Variants in FAM3B observed in about 807,000 individuals in gnomAD.
The protein encoded by FAM3B is protein FAM3B.
In FAM3B, 29 loss-of-function variants were observed where a neutral mutation model predicts 28.4. The observed-to-expected ratio is 1.02, with a 90% CI of 0.76 to 1.39. FAM3B has a LOEUF of 1.39. Ranked by LOEUF, FAM3B falls within the 40% of genes most tolerant of loss-of-function variation. FAM3B has a pLI of 0.00. For synonymous variants in FAM3B, 91 were observed against 103.0 expected (o/e 0.88, Z 0.71); for missense variants, 266 against 293.9 (o/e 0.91, Z 0.69).
chr21:41,307,634 G>GT (rs1220491692), intron 1 of FAM3B, among the ~76,000 whole-genome samples: 2 of 152,172 alleles, frequency 1.3e-5, no homozygotes, highest in African/African-American at 4.8e-5. Flanking sequence ...CCATTGTAAT[G>GT]TTATTAATTG....
At chr21:41,333,043 T>A (rs2088920565) in intron 2 of FAM3B, among the ~76,000 whole-genome samples, 1 of 152,004 alleles carries the variant, frequency 6.6e-6, no homozygotes, top group Non-Finnish European at 1.5e-5. Context: ...ATGTGAGACC[T>A]TTTTTTAATG....
At position 41,311,277 on chromosome 21, in the gene FAM3B, T is replaced by A. The variant is rs868551591; in HGVS notation, n.99+6967T>A. On this transcript the variant is annotated intron_variant and non_coding_transcript_variant, in intron 1 of 9. Coordinates refer to the FAM3B transcript ENST00000479810. The stretch of plus-strand genomic sequence containing the variant: ...ATATATATATATATATATATATATA[T>A]ATATATATATATATATATATGTATA... Among the ~76,000 whole-genome samples, 504 of 81,970 alleles carry A rather than the reference T, an allele frequency of 6.1e-3. 15 individuals are homozygous for A. Among genetic ancestry groups the A allele is most frequent in the Non-Finnish European group, 7.5e-3 (331 of 43,970 alleles). The allele number at this position is 81,970 out of a possible 152,430, so 53.8% of individuals were successfully genotyped here.
At chr21:41,345,347 G>A (rs1240474394) in intron 4 of FAM3B, among the ~76,000 whole-genome samples, 2 of 150,376 alleles carry the variant, frequency 1.3e-5, no homozygotes, top group Non-Finnish European at 3.0e-5. Context: ...GGCTGAGGGG[G>A]CTCTGGTGTT....
rs553809200 is a variant in FAM3B at position 41,324,963 on chromosome 21, A to G, written c.163+1897A>G. 2.6e-4 allele frequency among the ~76,000 whole-genome samples: 40 copies of G among 152,178 alleles called. 1 individual carries two copies. In the South Asian group the frequency reaches 8.1e-3, roughly 31 times the overall value. ...CTAAAAATACAAAAATTAGCTGGAC[A>G]TGGTTGCAGGTGCCTGTAATCCCAG... On this transcript the variant is annotated intron_variant, in intron 2 of 7. Transcript: ENST00000357985.
At chr21:41,304,352 C>T (rs755666386) in intron 1 of FAM3B, 35 of 454,492 alleles carry the variant, frequency 7.7e-5, no homozygotes, top group Admixed American at 1.6e-4. Context: ...GAAGGATGGA[C>T]GGGGCAGGAC....
chr21:41,346,928 T>G (rs1161838338), intron 5 of FAM3B, 85 bp from the exon 6 acceptor site: 1 of 1,150,682 alleles, frequency 8.7e-7, no homozygotes, highest in Non-Finnish European at 1.3e-6. Flanking sequence ...GGACACAGAA[T>G]GCAGGTGCAG....
chr21:41,334,743 G>C (rs985336543), intron 2 of FAM3B, among the ~76,000 whole-genome samples: 2 of 152,250 alleles, frequency 1.3e-5, no homozygotes, highest in African/African-American at 4.8e-5. Flanking sequence ...TAGTGGAGCT[G>C]TGGGAAGAGG....
intron 7 of FAM3B, among the ~76,000 whole-genome samples, chr21:41,354,769 C>T (rs1466090201): frequency 1.3e-5 from 2 of 152,052 alleles, no homozygotes; most frequent in African/African-American, 4.8e-5. Flanking sequence ...ATAATCTGTA[C>T]AACAAACCCC....
At chr21:41,352,884 G>T (rs2089134464) in intron 7 of FAM3B, among the ~76,000 whole-genome samples, 1 of 152,036 alleles carries the variant, frequency 6.6e-6, no homozygotes, top group Admixed American at 6.6e-5. Flanking sequence ...ATACTAGGCT[G>T]GTGCAAAAGT....
At chr21:41,330,177 T>A (rs1355863137) in intron 2 of FAM3B, among the ~76,000 whole-genome samples, 1 of 146,562 alleles carries the variant, frequency 6.8e-6, no homozygotes, top group African/African-American at 2.5e-5. Context: ...GCATCCCAAA[T>A]CTGAAAACAC....
chr21:41,324,994 C>T lies in FAM3B; in HGVS notation c.163+1928C>T, dbSNP rs183587291. 2.4e-3 allele frequency among the ~76,000 whole-genome samples: 365 copies of T among 152,172 alleles called. 2 individuals carry two copies. The highest frequency in any genetic ancestry group is 3.9e-3 in the Non-Finnish European group (264 of 68,004). ...GCAGGTGCCTGTAATCCCAGCTACT[C>T]GGGAGGCTGAGGCAGGAGAATAGCT... On this transcript the variant is annotated intron_variant, in intron 2 of 7. Transcript: ENST00000357985.
intron 1 of FAM3B, among the ~76,000 whole-genome samples, chr21:41,317,273 T>G (rs2088758520): frequency 7.9e-6 from 1 of 127,098 alleles, no homozygotes; most frequent in Non-Finnish European, 1.7e-5. Flanking sequence ...ACCCGGGCTC[T>G]CCACGCTTCT....
At chr21:41,311,251 A>AAAAATAT (rs1555866518) in intron 1 of FAM3B, among the ~76,000 whole-genome samples, 2 of 35,070 alleles carry the variant, frequency 5.7e-5, no homozygotes, top group African/African-American at 1.2e-4. Context: ...AAAAAAAAAA[A>AAAAATAT]ATATATATAT....
In FAM3B at chr21:41,351,923, C is replaced by T. The variant is rs114833512; in HGVS notation, c.618+3199C>T. ...TGGTTCAGATCTGGACTTGGCCACC[C>T]CGACTGCATGACCTGAGTTTGGCAC... On this transcript the variant is annotated intron_variant, in intron 7 of 7. Transcript: ENST00000357985. 9.4e-3 allele frequency among the ~76,000 whole-genome samples: 1,432 copies of T among 152,312 alleles called. 18 individuals carry two copies. The highest frequency in any genetic ancestry group is 0.031 in the African/African-American group (1,303 of 41,558).
intron 6 of FAM3B, among the ~76,000 whole-genome samples, chr21:41,347,749 CAAAA>C (rs60227162): frequency 1.2e-5 from 1 of 85,674 alleles, no homozygotes; most frequent in Non-Finnish European, 2.8e-5. Flanking sequence ...GAGACTGTCT[CAAAA>C]AAAAAAAAAA....
intron 2 of FAM3B, among the ~76,000 whole-genome samples, chr21:41,328,161 C>G (rs1170885222): frequency 7.2e-5 from 11 of 152,320 alleles, no homozygotes; most frequent in African/African-American, 2.4e-4. Flanking sequence ...GTGAAGGGAA[C>G]AGGTCACGTA....
At chr21:41,355,856 T>C (rs141319192) in intron 7 of FAM3B, among the ~76,000 whole-genome samples, 25 of 152,276 alleles carry the variant, frequency 1.6e-4, no homozygotes, top group African/African-American at 2.9e-4. Flanking sequence ...AAAGCTGTTA[T>C]ATAAAAAGGG....
intron 2 of FAM3B, among the ~76,000 whole-genome samples, chr21:41,330,149 A>T (rs960490424): frequency 1.3e-4 from 19 of 151,910 alleles, no homozygotes; most frequent in Non-Finnish European, 2.6e-4. Flanking sequence ...AAAAAAAAAA[A>T]AACATAATAC....
Position 41,325,008 on chromosome 21 carries a change from A to T in FAM3B, c.163+1942A>T, listed in dbSNP as rs544465588. Among the ~76,000 whole-genome samples the T allele has an allele frequency of 7.8e-4, 119 of 152,338 alleles. 1 individual carries two copies. The highest frequency in any genetic ancestry group is 5.6e-4 in the Non-Finnish European group (38 of 68,032). Reference sequence around the variant, plus strand: ...TCCCAGCTACTCGGGAGGCTGAGGCAGGAGAATAGCTTGAACCCAGTAGGT... The same window carrying T: ...TCCCAGCTACTCGGGAGGCTGAGGCTGGAGAATAGCTTGAACCCAGTAGGT... On this transcript the variant is annotated intron_variant, in intron 2 of 7. Coordinates refer to ENST00000357985, the MANE Select transcript of FAM3B (RefSeq NM_058186.4).
Sources: gnomAD v4.1 joint callset for allele counts (sites outside exome capture counted in the v4.1 genomes callset) on GRCh38, gnomAD v4.1.1 for gene constraint, MANE v1.5 for transcripts, NCBI Gene and HGNC (gene_info 2026-07-23, HGNC 2026-07-21) for gene names.